Variants in USPL1 observed in about 807,000 individuals in gnomAD.
USPL1 encodes the protein ubiquitin specific peptidase like 1.
In USPL1, 27 loss-of-function variants were observed where a neutral mutation model predicts 51.5. The ratio of observed to expected loss-of-function variants is 0.52; its 90% CI spans 0.39 to 0.72. USPL1 has a LOEUF of 0.72. Among genes scored for constraint, USPL1 ranks in the 30% least tolerant of loss-of-function variants. The pLI, the probability that USPL1 is intolerant of heterozygous loss-of-function variation, is 0.00. For synonymous variants in USPL1, 451 were observed against 459.6 expected, an observed-to-expected ratio of 0.98 and a Z score of 0.24; for missense variants, 1,226 against 1,268.0, an observed-to-expected ratio of 0.97 and a Z score of 0.50.
chr13:30,627,529 T>G (rs2137621964), intron 3 of USPL1, among the ~76,000 whole-genome samples: 1 of 152,046 alleles, frequency 6.6e-6, no homozygotes, highest in South Asian at 2.1e-4. Flanking sequence ...TGTTCTTTTT[T>G]TTTTTTTAAT....
intron 4 of USPL1, 135 bp from the exon 5 acceptor site, chr13:30,637,609 A>G: frequency 1.5e-6 from 1 of 648,214 alleles, no homozygotes; most frequent in South Asian, 1.9e-5. Flanking sequence ...AGAAAGAATT[A>G]AGGAAATTTT....
intron 3 of USPL1, among the ~76,000 whole-genome samples, chr13:30,624,997 G>A (rs1950692966): frequency 6.6e-6 from 1 of 152,044 alleles, no homozygotes; most frequent in Non-Finnish European, 1.5e-5. Context: ...ATTCCCATTG[G>A]AATACTTTAT....
At chr13:30,644,571 C>A (rs773869971) in intron 6 of USPL1, among the ~76,000 whole-genome samples, 10 of 152,042 alleles carry the variant, frequency 6.6e-5, no homozygotes, top group Admixed American at 6.5e-4. Flanking sequence ...CAAAGAATAT[C>A]GCAAGGATTT....
At chr13:30,641,939 C>T (rs1950953195) in intron 5 of USPL1, among the ~76,000 whole-genome samples, 2 of 150,980 alleles carry the variant, frequency 1.3e-5, no homozygotes, top group Admixed American at 1.3e-4. Context: ...CGAGGTCTCG[C>T]TCTGTCACCC....
intron 7 of USPL1, among the ~76,000 whole-genome samples, chr13:30,647,727 G>A (rs533704780): frequency 6.6e-6 from 1 of 152,216 alleles, no homozygotes; most frequent in African/African-American, 2.4e-5. Context: ...CGTACATTAA[G>A]GAAATGTTTT....
In USPL1 at chr13:30,653,131, G is replaced by A. The variant is rs778717005; in HGVS notation, c.1239-17G>A. The stretch of plus-strand genomic sequence containing the variant: ...GCATTAAATTTATTTAACTTCTCTT[G>A]CTTTTCTCTCCCACAGAGTATCTCC... On this transcript the variant is annotated splice_polypyrimidine_tract_variant and intron_variant, in intron 7 of 8. Coordinates refer to ENST00000255304, the MANE Select transcript of USPL1 (RefSeq NM_005800.5). The A allele has an allele frequency of 6.4e-7, 1 of 1,551,102 alleles. No homozygotes were observed. Among genetic ancestry groups the A allele is most frequent in the South Asian group, 1.2e-5 (1 of 83,812 alleles).
At chr13:30,646,776 T>G (rs1229945765) in intron 6 of USPL1, among the ~76,000 whole-genome samples, 156 bp from the exon 7 acceptor site, 1 of 152,240 alleles carries the variant, frequency 6.6e-6, no homozygotes, top group Non-Finnish European at 1.5e-5. Flanking sequence ...CAGAGCTTCT[T>G]TACTAGAGGT....
At position 30,630,864 on chromosome 13, in the gene USPL1, T is replaced by TAATAACCTAATCAC; in HGVS notation, c.269_270insCACAATAACCTAAT (p.Ser91ThrfsTer4). On this transcript the variant is annotated frameshift_variant, in exon 4 of 9. Coordinates refer to ENST00000255304, the MANE Select transcript of USPL1 (RefSeq NM_005800.5). LOFTEE classifies it high-confidence loss of function. Reference sequence around the variant, plus strand: ...TCTATCCTTTGGGCTCTAAATCACTTAATAACCTAATTTCTCCTGATTTGG... The same window carrying TAATAACCTAATCAC: ...TCTATCCTTTGGGCTCTAAATCACTTAATAACCTAATCACAATAACCTAATTTCTCCTGATTTGG... 6.2e-7 allele frequency: 1 copy of TAATAACCTAATCAC among 1,611,938 alleles called. No individual in the cohort carries two copies. The highest frequency in any genetic ancestry group is 8.5e-7 in the Non-Finnish European group (1 of 1,179,236).
chr13:30,637,911 T>A (rs1365282640), intron 5 of USPL1, 54 bp downstream of exon 5: 5 of 1,267,210 alleles, frequency 3.9e-6, no homozygotes, highest in Non-Finnish European at 4.6e-6. Context: ...TATAGAAATA[T>A]GTACCTCATA....
chr13:30,642,463 C>G (rs1005013667), intron 5 of USPL1, among the ~76,000 whole-genome samples, 165 bp from the exon 6 acceptor site: 1 of 152,074 alleles, frequency 6.6e-6, no homozygotes, highest in Non-Finnish European at 1.5e-5. Flanking sequence ...TAGAAAAATG[C>G]TTTATAAACT....
In USPL1 at chr13:30,628,043, AT is replaced by A. The variant is rs202119827; in HGVS notation, c.229-2769del. Among the ~76,000 whole-genome samples the A allele has an allele frequency of 8.4e-3, 1,064 of 126,894 alleles. 6 individuals are homozygous for A. The highest frequency in any genetic ancestry group is 0.028 in the African/African-American group (947 of 34,090). 83.2% of individuals were successfully genotyped at this position (126,894 alleles called of 152,430 possible). On this transcript the variant is annotated intron_variant, in intron 3 of 8. Coordinates refer to ENST00000255304, the MANE Select transcript of USPL1 (RefSeq NM_005800.5). Reference sequence around the variant, plus strand: ...AGGGGTGCACCACCATGCCTGGCTAATTTTTTTTTTTTTTTTTTTTTTTGTA... The same window carrying A: ...AGGGGTGCACCACCATGCCTGGCTAATTTTTTTTTTTTTTTTTTTTTTGTA...
rs1300048415 is a variant in USPL1 at position 30,628,592 on chromosome 13, T to A, written c.229-2243T>A. Among the ~76,000 whole-genome samples the A allele has an allele frequency of 3.0e-4, 45 of 152,150 alleles. 1 individual carries two copies. Among genetic ancestry groups the A allele is most frequent in the Admixed American group, 2.6e-3 (40 of 15,270 alleles). ...TGTGATGTTCCCCTCTCTGTGTCCGTGTGTTCTCATTGTTCAGCTCCCACT... is the reference window on the plus strand; with the variant it reads ...TGTGATGTTCCCCTCTCTGTGTCCGAGTGTTCTCATTGTTCAGCTCCCACT... On this transcript the variant is annotated intron_variant, in intron 3 of 8. Transcript: ENST00000255304.
intron 7 of USPL1, among the ~76,000 whole-genome samples, chr13:30,651,662 A>G (rs1371331373): frequency 6.6e-6 from 1 of 152,218 alleles, no homozygotes; most frequent in African/African-American, 2.4e-5. Flanking sequence ...AAGGAACTAA[A>G]TATTAGTAAA....
Position 30,657,907 on chromosome 13 carries a change from T to C in USPL1, c.1830T>C (p.Asn610=). The stretch of plus-strand genomic sequence containing the variant: ...ATTCTGAAGCTTTCCTGTTAGAAAA[T>C]AAACCTGTAGCAGAAAATACAGGAA... ...QLNSEAFLLE[N]KPVAENTGIL... The change falls in exon 9 of 9, where the codon AAT becomes AAC. Residue 610 remains asparagine, a synonymous_variant. Coordinates refer to ENST00000255304, the MANE Select transcript of USPL1 (RefSeq NM_005800.5). 6.2e-7 allele frequency: 1 copy of C among 1,613,964 alleles called. No individual in the cohort carries two copies. The highest frequency in any genetic ancestry group is 8.5e-7 in the Non-Finnish European group (1 of 1,180,016).
Position 30,657,639 on chromosome 13 carries a change from A to G in USPL1, c.1562A>G (p.His521Arg). 1 of 1,614,188 alleles carries G rather than the reference A, an allele frequency of 6.2e-7. No individual in the cohort carries two copies. The highest frequency in any genetic ancestry group is 1.1e-5 in the South Asian group (1 of 91,082). ...CLPLKKTNDQ[H>R]ALSNEKPVSL... is the part of the protein sequence containing the mutation. ...CCACTTAAAAAGACTAATGACCAAC[A>G]CGCTCTCAGTAATGAGAAACCAGTA... The change falls in exon 9 of 9, where the codon CAC (histidine) becomes CGC (arginine). Residue 521 changes from histidine (H) to arginine (R), a missense_variant. Physicochemically the swap from His to Arg is conservative, Grantham distance 29. Coordinates refer to ENST00000255304, the MANE Select transcript of USPL1 (RefSeq NM_005800.5).
intron 3 of USPL1, among the ~76,000 whole-genome samples, chr13:30,624,830 G>T (rs1458928536): frequency 6.6e-6 from 1 of 152,208 alleles, no homozygotes. Context: ...CCCAGCAACT[G>T]CCTGGTCCAT....
chr13:30,648,731 T>C (rs765436294), intron 7 of USPL1, among the ~76,000 whole-genome samples: 3 of 152,180 alleles, frequency 2.0e-5, no homozygotes, highest in Non-Finnish European at 4.4e-5. Flanking sequence ...CTCACTATTA[T>C]TTGATAGCAT....
chr13:30,618,560 G>T (rs903932029), intron 1 of USPL1, among the ~76,000 whole-genome samples: 3 of 151,878 alleles, frequency 2.0e-5, no homozygotes, highest in Admixed American at 6.6e-5. Context: ...TGTTTCCCTG[G>T]GTTTCTCCAT....
At chr13:30,642,472 C>T (rs2137674060) in intron 5 of USPL1, among the ~76,000 whole-genome samples, 156 bp from the exon 6 acceptor site, 1 of 152,250 alleles carries the variant, frequency 6.6e-6, no homozygotes, top group Middle Eastern at 3.4e-3. Context: ...GCTTTATAAA[C>T]TTCCCCTCTC....
Sources: allele counts gnomAD v4.1 joint callset (sites outside exome capture counted in the v4.1 genomes callset), GRCh38; gene constraint gnomAD v4.1.1; transcripts MANE v1.5; gene names NCBI Gene and HGNC (gene_info 2026-07-23, HGNC 2026-07-21).